Variants in CHN2 observed in about 807,000 individuals in gnomAD.
CHN2 encodes chimerin 2, also known as beta-chimaerin.
In CHN2, 35 loss-of-function variants were observed where a neutral mutation model predicts 56.3. The observed-to-expected ratio is 0.62, with a 90% confidence interval of 0.47 to 0.82. The LOEUF (loss-of-function observed/expected upper bound fraction) is 0.82, where lower values mean the gene tolerates loss of function less well. Among genes scored for constraint, CHN2 ranks in the 40% least tolerant of loss-of-function variants. The probability of loss-of-function intolerance (pLI) is 0.00; values close to 1 mark genes in which losing one functional copy is unlikely to be tolerated. For missense variants in CHN2, 491 were observed against 580.5 expected, an observed-to-expected ratio of 0.85 and a Z score of 1.58; for synonymous variants, 210 against 212.8, an observed-to-expected ratio of 0.99 and a Z score of 0.12.
At chr7:29,398,102 A>C (rs2128081762) in intron 4 of CHN2, 1 of 291,172 alleles carries the variant, frequency 3.4e-6, no homozygotes, top group Admixed American at 5.0e-5. Flanking sequence ...TTTTTGTTTC[A>C]ACTTTCATTT....
At chr7:29,429,570 TAC>T (rs754855941) in intron 6 of CHN2, among the ~76,000 whole-genome samples, 1 of 127,974 alleles carries the variant, frequency 7.8e-6, no homozygotes, top group Non-Finnish European at 1.6e-5. Context: ...AAGCATGAGT[TAC>T]ACACACACAG....
intron 3 of CHN2, among the ~76,000 whole-genome samples, chr7:29,377,258 A>G (rs1800144583): frequency 6.6e-6 from 1 of 152,168 alleles, no homozygotes; most frequent in African/African-American, 2.4e-5. Flanking sequence ...TCCTTACATC[A>G]GGTGATCCAT....
intron 1 of CHN2, among the ~76,000 whole-genome samples, chr7:29,226,983 G>T (rs906899120): frequency 6.6e-6 from 1 of 152,150 alleles, no homozygotes; most frequent in Non-Finnish European, 1.5e-5. Flanking sequence ...TCCTGTCACT[G>T]CTGTGCACAT....
At chr7:29,351,052 G>A (rs1324738854) in intron 1 of CHN2, among the ~76,000 whole-genome samples, 1 of 144,510 alleles carries the variant, frequency 6.9e-6, no homozygotes, top group Non-Finnish European at 1.5e-5. Context: ...AGGTTGCGAT[G>A]AGCTGAGATT....
chr7:29,183,142 C>T (rs35357398), intron 2 of CHN2, among the ~76,000 whole-genome samples: 17,194 of 147,282 alleles, frequency 0.12, 1,152 homozygotes, highest in African/African-American at 0.17. Context: ...TGGAGTGCAA[C>T]GGCGCAATCT....
chr7:29,482,506 G>T (rs530096095), intron 7 of CHN2, among the ~76,000 whole-genome samples: 6 of 152,182 alleles, frequency 3.9e-5, no homozygotes, highest in African/African-American at 1.4e-4. Context: ...AAATACAGTG[G>T]CAGGTTTTTA....
At chr7:29,275,039 C>G (rs1402727052) in intron 1 of CHN2, among the ~76,000 whole-genome samples, 1 of 152,200 alleles carries the variant, frequency 6.6e-6, no homozygotes, top group Non-Finnish European at 1.5e-5. Flanking sequence ...GTGCAAGCCA[C>G]ACACTAGGGA....
chr7:29,180,775 G>T (rs994675363), intron 2 of CHN2, among the ~76,000 whole-genome samples: 1 of 152,138 alleles, frequency 6.6e-6, no homozygotes. Flanking sequence ...GTTAGAGCTG[G>T]GTTCAAATCC....
At chr7:29,369,662 C>T (rs1799450959) in intron 3 of CHN2, among the ~76,000 whole-genome samples, 1 of 152,126 alleles carries the variant, frequency 6.6e-6, no homozygotes, top group Admixed American at 6.5e-5. Context: ...GTCAGTTGCC[C>T]TTAAGGCAGG....
At chr7:29,382,888 C>A (rs1380558011) in intron 3 of CHN2, among the ~76,000 whole-genome samples, 3 of 152,040 alleles carry the variant, frequency 2.0e-5, no homozygotes, top group Non-Finnish European at 4.4e-5. Flanking sequence ...GTATGAGCAG[C>A]CGAGGGTGTG....
At chr7:29,292,761 G>T (rs1349329837) in intron 1 of CHN2, 14 of 377,634 alleles carry the variant, frequency 3.7e-5, no homozygotes, top group Non-Finnish European at 6.5e-5. Context: ...AAAACACCCT[G>T]CATTTCATTG....
intron 1 of CHN2, among the ~76,000 whole-genome samples, chr7:29,305,376 C>T (rs1794057586): frequency 6.6e-6 from 1 of 152,082 alleles, no homozygotes; most frequent in South Asian, 2.1e-4. Context: ...TACCTGCTGT[C>T]CATATTCTAC....
At chr7:29,316,732 T>C (rs929125450) in intron 1 of CHN2, among the ~76,000 whole-genome samples, 3 of 150,574 alleles carry the variant, frequency 2.0e-5, no homozygotes, top group African/African-American at 4.9e-5. Flanking sequence ...TTTTTTTTTT[T>C]CCACAATGTT....
chr7:29,313,763 C>G (rs190314412), intron 1 of CHN2, among the ~76,000 whole-genome samples: 1 of 152,314 alleles, frequency 6.6e-6, no homozygotes, highest in East Asian at 1.9e-4. Context: ...TCTTCGTGTT[C>G]ATACCCTTTA....
chr7:29,209,196 C>T (rs1210068859), intron 1 of CHN2, among the ~76,000 whole-genome samples: 2 of 152,024 alleles, frequency 1.3e-5, no homozygotes, highest in Non-Finnish European at 2.9e-5. Flanking sequence ...GTGAGGAGGC[C>T]TGAACGGAAC....
chr7:29,364,387 A>G (rs938127712), intron 2 of CHN2, among the ~76,000 whole-genome samples: 6 of 152,210 alleles, frequency 3.9e-5, no homozygotes, highest in African/African-American at 1.4e-4. Context: ...TGCCACCTCC[A>G]TTAACAATGG....
At chr7:29,180,738 C>CCAGT (rs1797967751) in intron 2 of CHN2, among the ~76,000 whole-genome samples, 2 of 152,150 alleles carry the variant, frequency 1.3e-5, no homozygotes, top group Non-Finnish European at 2.9e-5. Context: ...GCACTAGAGT[C>CCAGT]CAGTGATTAA....
At chr7:29,422,236 A>T (rs977638204) in intron 6 of CHN2, among the ~76,000 whole-genome samples, 2 of 152,116 alleles carry the variant, frequency 1.3e-5, no homozygotes, top group African/African-American at 4.8e-5. Flanking sequence ...TAAAAGAATG[A>T]TGGAAGGTTG....
Position 29,302,832 on chromosome 7 carries a change from C to G in CHN2, c.50-51793C>G, listed in dbSNP as rs543409123. Among the ~76,000 whole-genome samples, 11 of 152,286 alleles carry G rather than the reference C, an allele frequency of 7.2e-5. No individual in the cohort carries two copies. In the East Asian group the frequency reaches 1.2e-3, roughly 16 times the overall value. ...TATTTGAACTGACTACTCCACATAC[C>G]TCATATAAGTAGAATCATATGCTTT... is the stretch of plus-strand genomic sequence containing the variant. On this transcript the variant is annotated intron_variant, in intron 1 of 12. Transcript: ENST00000222792.
Sources: allele counts gnomAD v4.1 joint callset (sites outside exome capture counted in the v4.1 genomes callset), GRCh38; gene constraint gnomAD v4.1.1; transcripts MANE v1.5; gene names NCBI Gene and HGNC (gene_info 2026-07-23, HGNC 2026-07-21).